Variants in CNOT1 observed in about 807,000 individuals in gnomAD.
CNOT1 encodes CCR4-NOT transcription complex subunit 1.
Under a neutral mutation model 273.8 loss-of-function variants are expected in CNOT1, and 15 were observed. The observed-to-expected ratio is 0.05, with a 90% CI of 0.04 to 0.08. The LOEUF (loss-of-function observed/expected upper bound fraction) is 0.08. CNOT1 is among the 10% of genes least tolerant of loss of function. CNOT1 has a pLI of 1.00. For synonymous variants in CNOT1, 1,022 were observed against 1,005.5 expected, an observed-to-expected ratio of 1.02 and a Z score of -0.31; for missense variants, 1,644 against 2,912.2, an observed-to-expected ratio of 0.56 and a Z score of 10.02.
intron 1 of CNOT1, among the ~76,000 whole-genome samples, chr16:58,623,070 C>T (rs943967326): frequency 6.6e-6 from 1 of 151,672 alleles, no homozygotes; most frequent in African/African-American, 2.4e-5. Flanking sequence ...TGGTGGCAGG[C>T]GCCTGTAATC....
Position 58,525,108 on chromosome 16 carries a change from A to T in CNOT1, c.6784+71T>A, listed in dbSNP as rs897592376. 1.4e-4 allele frequency: 202 copies of T among 1,417,856 alleles called. No homozygotes were observed. The Admixed American group carries it at 1.5e-3, about 11-fold the overall frequency. 87.8% of individuals were successfully genotyped at this position (1,417,856 alleles called of 1,614,324 possible). A position where few individuals can be genotyped will look rare whatever the true frequency, so the allele number is the denominator to read the frequency against. ...CACTATTGTGGCTTGAAGCATTTTT[A>T]CATTTTTGTGATCAGATTGTAGCAA... is the stretch of plus-strand genomic sequence containing the variant. On this transcript the variant is annotated intron_variant, in intron 46 of 48. Transcript: ENST00000317147.
chr16:58,594,993 C>A (rs1180761474), intron 2 of CNOT1, among the ~76,000 whole-genome samples: 1 of 150,708 alleles, frequency 6.6e-6, no homozygotes, highest in African/African-American at 2.4e-5. Context: ...CAGGCACCTG[C>A]AATCTCAGCT....
At chr16:58,528,322 T>C (rs1597398698) in intron 44 of CNOT1, 153 bp downstream of exon 44, 2 of 665,214 alleles carry the variant, frequency 3.0e-6, no homozygotes, top group East Asian at 5.3e-5. Context: ...TCATACCTTC[T>C]ATCAGGCTTA....
chr16:58,572,775 G>C (rs901382253), intron 16 of CNOT1, among the ~76,000 whole-genome samples: 2 of 151,584 alleles, frequency 1.3e-5, no homozygotes, highest in Admixed American at 1.3e-4. Context: ...GGGAGGGGTG[G>C]CATGTCTCTA....
In CNOT1 at chr16:58,527,831, T is replaced by C. The variant is rs1046560196; in HGVS notation, c.6453+644A>G. 8 of 204,418 alleles carry C rather than the reference T, an allele frequency of 3.9e-5. No individual in the cohort carries two copies. The South Asian group carries it at 5.0e-4, about 13-fold the overall frequency. The allele number at this position is 204,418 out of a possible 1,614,324, so 12.7% of individuals were successfully genotyped here. A position where few individuals can be genotyped will look rare whatever the true frequency, so the allele number is the denominator to read the frequency against. ...ACACAAAACTGTGAAATATGGAGAC[T>C]ATGGCAGGGCGTGGTGGCTCACACC... On this transcript the variant is annotated intron_variant, in intron 44 of 48. Transcript: ENST00000317147.
chr16:58,562,480 A>C (rs2040887931), intron 16 of CNOT1, among the ~76,000 whole-genome samples: 1 of 147,964 alleles, frequency 6.8e-6, no homozygotes. Context: ...CTCCAGTCTT[A>C]GAGAAAGAAC....
Position 58,528,564 on chromosome 16 carries a change from G to T in CNOT1, c.6364C>A (p.Pro2122Thr), listed in dbSNP as rs1354118627. 3 of 1,612,330 alleles carry T rather than the reference G, an allele frequency of 1.9e-6. No homozygotes were observed. The highest frequency in any genetic ancestry group is 2.5e-6 in the Non-Finnish European group (3 of 1,178,602). Residue 2122 changes from proline to threonine, a missense_variant, in exon 44 of 49, where the codon CCA (proline) becomes ACA (threonine). This residue lies in a region of CNOT1 where 140 missense variants were observed against 324.6 expected (regional missense o/e 0.43). Coordinates refer to ENST00000317147, the MANE Select transcript of CNOT1 (RefSeq NM_016284.5). ...TTTCTTAACTGGATACAATTAGGTG[G>T]GATCACATCACAGAACCCATAATGG... ...DYHYGFCDVI[P>T]PNCIQLRNLI...
intron 16 of CNOT1, among the ~76,000 whole-genome samples, chr16:58,572,782 T>TCTA (rs1256368228): frequency 6.6e-6 from 1 of 150,962 alleles, no homozygotes; most frequent in African/African-American, 2.4e-5. Context: ...GTGGCATGTC[T>TCTA]CTATAGTCCA....
intron 17 of CNOT1, chr16:58,559,751 G>A (rs768124243): frequency 4.1e-6 from 2 of 491,092 alleles, no homozygotes; most frequent in South Asian, 2.9e-5. Flanking sequence ...AGCGCAATAT[G>A]TTGCTCCCAG....
At chr16:58,581,267 A>G in intron 11 of CNOT1, 78 bp downstream of exon 11, 1 of 1,462,378 alleles carries the variant, frequency 6.8e-7, no homozygotes, top group South Asian at 1.5e-5. Flanking sequence ...GAATATTTCG[A>G]TCAATGGGTA....
chr16:58,587,333 T>C lies in CNOT1; in HGVS notation c.378+12A>G. 1.9e-6 allele frequency: 3 copies of C among 1,614,002 alleles called. No individual in the cohort carries two copies. Among genetic ancestry groups the C allele is most frequent in the South Asian group, 1.1e-5 (1 of 91,064 alleles). On this transcript the variant is annotated intron_variant, in intron 5 of 48. Coordinates refer to ENST00000317147, the MANE Select transcript of CNOT1 (RefSeq NM_016284.5). ...CTAGTTTTGTCTACATCTCTTTTCA[T>C]AAATCACTCACCTCTTGTACTTTGC... is the stretch of plus-strand genomic sequence containing the variant.
chr16:58,557,833 A>G (rs2040684689), intron 18 of CNOT1, among the ~76,000 whole-genome samples: 1 of 152,136 alleles, frequency 6.6e-6, no homozygotes, highest in Admixed American at 6.5e-5. Context: ...TACTAAAAAT[A>G]CAAAAAATTA....
At chr16:58,602,872 T>C (rs1366476725) in intron 1 of CNOT1, among the ~76,000 whole-genome samples, 1 of 152,076 alleles carries the variant, frequency 6.6e-6, no homozygotes, top group Admixed American at 6.6e-5. Context: ...CTACTTCACA[T>C]CTCAAATGTT....
chr16:58,588,754 A>C (rs1307971700), intron 3 of CNOT1, 45 bp downstream of exon 3: 1 of 1,593,428 alleles, frequency 6.3e-7, no homozygotes. Context: ...AAATTCATTT[A>C]ACAATTACAG....
chr16:58,620,653 T>TAAAAA (rs200053031), intron 1 of CNOT1, among the ~76,000 whole-genome samples: 2,489 of 106,378 alleles, frequency 0.023, 116 homozygotes, highest in African/African-American at 0.085. Flanking sequence ...CTGTCTCATT[T>TAAAAA]AAAAAAAAAA....
intron 46 of CNOT1, among the ~76,000 whole-genome samples, chr16:58,524,890 T>A (rs2039534641): frequency 6.6e-6 from 1 of 152,210 alleles, no homozygotes; most frequent in African/African-American, 2.4e-5. Context: ...CAAGAGGCTA[T>A]GTTTAAAGGG....
At chr16:58,573,396 G>A (rs772748513) in intron 16 of CNOT1, among the ~76,000 whole-genome samples, 1 of 151,150 alleles carries the variant, frequency 6.6e-6, no homozygotes, top group Non-Finnish European at 1.5e-5. Context: ...AAAAGACAAT[G>A]TTATTAAGAC....
chr16:58,629,781 G>A lies in CNOT1; in HGVS notation c.-228C>T, dbSNP rs1190259509. The A allele has an allele frequency of 6.6e-6, 1 of 152,368 alleles. No individual in the cohort carries two copies. Among genetic ancestry groups the A allele is most frequent in the Non-Finnish European group, 1.5e-5 (1 of 68,082 alleles). The allele number at this position is 152,368 out of a possible 1,614,324, so 9.4% of individuals were successfully genotyped here. The stretch of plus-strand genomic sequence containing the variant: ...AGGAAACTCCTGGGTCCCCGACTCC[G>A]GCTCTCCTCGACCCCCTCTTCGGTT... On this transcript the variant is annotated 5_prime_UTR_variant, in exon 1 of 49. Transcript: ENST00000317147.
At chr16:58,569,308 A>T (rs1236717230) in intron 16 of CNOT1, among the ~76,000 whole-genome samples, 1 of 152,064 alleles carries the variant, frequency 6.6e-6, no homozygotes, top group Admixed American at 6.6e-5. Context: ...TTTTTAGTGG[A>T]TACGGAGTTT....
Sources: gnomAD v4.1 joint callset for allele counts (sites outside exome capture counted in the v4.1 genomes callset) on GRCh38, gnomAD v4.1.1 for gene constraint, gnomAD v4.1.1 regional missense constraint, MANE v1.5 for transcripts, NCBI Gene and HGNC (gene_info 2026-07-23, HGNC 2026-07-21) for gene names.